SIRPG: variants seen among roughly 807,000 people sequenced by gnomAD.
SIRPG encodes signal-regulatory protein gamma.
In SIRPG, 38 loss-of-function variants were observed where a neutral mutation model predicts 35.7. The observed-to-expected ratio is 1.06, with a 90% confidence interval of 0.82 to 1.40. The LOEUF (loss-of-function observed/expected upper bound fraction) is 1.40, where lower values mean the gene tolerates loss of function less well. Ranked by LOEUF, SIRPG falls within the 40% of genes most tolerant of loss-of-function variation. The pLI, the probability that SIRPG is intolerant of heterozygous loss-of-function variation, is 0.00. For synonymous variants in SIRPG, 215 were observed against 190.4 expected (o/e 1.13, Z -1.06); for missense variants, 519 against 483.0 (o/e 1.07, Z -0.70).
the SIRPG span, among the ~76,000 whole-genome samples, chr20:1,680,518 T>C: frequency 6.6e-6 from 1 of 152,242 alleles, no homozygotes; most frequent in Non-Finnish European, 1.5e-5. Context: ...TGTTGACAGT[T>C]GGCATTATTA....
chr20:1,642,208 T>A (rs2091857924), intron 2 of SIRPG, among the ~76,000 whole-genome samples: 1 of 152,230 alleles, frequency 6.6e-6, no homozygotes, highest in Admixed American at 6.5e-5. Context: ...AGTCTCCCAC[T>A]ATTATTGTGT....
At chr20:1,663,530 G>A in the SIRPG span, among the ~76,000 whole-genome samples, 1,068 of 152,314 alleles carry the variant, frequency 7.0e-3, 6 homozygotes, top group Non-Finnish European at 0.011. Context: ...TTGCAATCTG[G>A]TTGTTAAACT....
chr20:1,677,973 G>A, the SIRPG span, among the ~76,000 whole-genome samples: 30 of 152,262 alleles, frequency 2.0e-4, no homozygotes, highest in South Asian at 6.2e-4. Flanking sequence ...TGATGGATAT[G>A]TTCATTTGCT....
At chr20:1,630,099 C>A in intron 5 of SIRPG, 123 bp downstream of exon 5, 2 of 735,922 alleles carry the variant, frequency 2.7e-6, no homozygotes, top group East Asian at 5.5e-5. Context: ...CCAAGACTTC[C>A]GAGGGTGCGG....
chr20:1,651,433 A>G (rs2091939464), intron 1 of SIRPG: 1 of 151,656 alleles, frequency 6.6e-6, no homozygotes, highest in Non-Finnish European at 1.5e-5. Flanking sequence ...CTCATCTCTC[A>G]TCTCTCTTGC....
intron 3 of SIRPG, among the ~76,000 whole-genome samples, chr20:1,635,816 A>G (rs2091794428): frequency 6.6e-6 from 1 of 152,226 alleles, no homozygotes; most frequent in Non-Finnish European, 1.5e-5. Flanking sequence ...GGTAGCTCCT[A>G]CTAGGCTAAG....
At chr20:1,665,544 C>T in the SIRPG span, 1 of 152,222 alleles carries the variant, frequency 6.6e-6, no homozygotes, top group East Asian at 1.9e-4. Flanking sequence ...CAACCCAAGG[C>T]AGAAACCAGG....
chr20:1,630,375 T>A, intron 4 of SIRPG, 69 bp from the exon 5 acceptor site: 1 of 1,252,816 alleles, frequency 8.0e-7, no homozygotes, highest in Non-Finnish European at 1.1e-6. Context: ...GGCCTCCACT[T>A]ACCCCATCTG....
intron 3 of SIRPG, 123 bp downstream of exon 3, chr20:1,636,065 G>T (rs1034448050): frequency 2.9e-6 from 4 of 1,367,912 alleles, no homozygotes; most frequent in African/African-American, 2.9e-5. Context: ...GGTGCATGGC[G>T]GGCGGGCAGT....
At chr20:1,652,043 A>C (rs1007546299) in intron 1 of SIRPG, among the ~76,000 whole-genome samples, 1 of 152,212 alleles carries the variant, frequency 6.6e-6, no homozygotes, top group African/African-American at 2.4e-5. Flanking sequence ...ACAAACAAAA[A>C]TACCTCTTCT....
At chr20:1,633,239 ATTGAATTTATAC>A in intron 4 of SIRPG, among the ~76,000 whole-genome samples, 1 of 152,324 alleles carries the variant, frequency 6.6e-6, no homozygotes, top group South Asian at 2.1e-4. Flanking sequence ...TACTGAGGAA[ATTGAATTTATAC>A]TTTTAAAACA....
intron 2 of SIRPG, among the ~76,000 whole-genome samples, chr20:1,640,911 T>C (rs1283800164): frequency 2.6e-5 from 4 of 152,204 alleles, no homozygotes; most frequent in Non-Finnish European, 5.9e-5. Context: ...TGGATTACAT[T>C]TCTTGATTTG....
chr20:1,642,868 C>A lies in SIRPG; in HGVS notation c.430+6184G>T, dbSNP rs1338837481. 2.0e-5 allele frequency among the ~76,000 whole-genome samples: 3 copies of A among 152,256 alleles called. No individual in the cohort carries two copies. The East Asian group carries it at 5.8e-4, about 29-fold the overall frequency. On this transcript the variant is annotated intron_variant, in intron 2 of 5. Coordinates refer to ENST00000303415, the MANE Select transcript of SIRPG (RefSeq NM_018556.4). ...GATATGAAATTCTGGGTTGAAAATT[C>A]TTTTGTTTAAGAATGTTGAATATTG... is the stretch of plus-strand genomic sequence containing the variant.
At chr20:1,663,418 C>G in the SIRPG span, among the ~76,000 whole-genome samples, 1 of 152,158 alleles carries the variant, frequency 6.6e-6, no homozygotes. Context: ...CAGGAAGGAG[C>G]GATGGAGGTG....
chr20:1,632,111 G>A (rs2091755875), intron 4 of SIRPG, among the ~76,000 whole-genome samples: 1 of 152,098 alleles, frequency 6.6e-6, no homozygotes, highest in Non-Finnish European at 1.5e-5. Flanking sequence ...GGAAGTTGTG[G>A]GACCCTGAGA....
intron 3 of SIRPG, among the ~76,000 whole-genome samples, 180 bp from the exon 4 acceptor site, chr20:1,635,779 C>T (rs1198152528): frequency 6.6e-6 from 1 of 152,198 alleles, no homozygotes; most frequent in Non-Finnish European, 1.5e-5. Flanking sequence ...AGCACAGTGC[C>T]TGGTGCACAG....
intron 1 of SIRPG, 71 bp downstream of exon 1, chr20:1,657,571 G>T: frequency 6.9e-7 from 1 of 1,452,096 alleles, no homozygotes; most frequent in Non-Finnish European, 9.7e-7. Flanking sequence ...ATCTGAAATT[G>T]CTGCAAGTCC....
At chr20:1,666,774 A>C in the SIRPG span, 1 of 152,248 alleles carries the variant, frequency 6.6e-6, no homozygotes, top group Non-Finnish European at 1.5e-5. Context: ...TACCCAGAGC[A>C]AACAGTTCTG....
chr20:1,678,752 G>A, the SIRPG span, among the ~76,000 whole-genome samples: 1 of 152,222 alleles, frequency 6.6e-6, no homozygotes, highest in South Asian at 2.1e-4. Flanking sequence ...TTAACTCAGC[G>A]ATAAAGTCAA....
Sources: gnomAD v4.1 joint callset for allele counts (sites outside exome capture counted in the v4.1 genomes callset) on GRCh38, gnomAD v4.1.1 for gene constraint, MANE v1.5 for transcripts, NCBI Gene and HGNC (gene_info 2026-07-23, HGNC 2026-07-21) for gene names.